The following TDRD5 variants were observed in gnomAD, a reference collection of about 807,000 sequenced individuals.
The protein encoded by TDRD5 is tudor domain containing 5.
In TDRD5, 41 loss-of-function variants were observed where a neutral mutation model predicts 120.6. The observed-to-expected ratio is 0.34, with a 90% confidence interval of 0.26 to 0.44. The LOEUF (loss-of-function observed/expected upper bound fraction) is 0.44, where lower values mean the gene tolerates loss of function less well. Ranked by LOEUF, TDRD5 falls within the 20% of genes least tolerant of loss-of-function variation. The pLI is 1.00. For missense variants in TDRD5, 1,006 were observed against 1,221.2 expected (o/e 0.82, Z 2.63); for synonymous variants, 430 against 433.7 (o/e 0.99, Z 0.11).
chr1:179,688,223 G>C (rs1166147906), intron 17 of TDRD5, among the ~76,000 whole-genome samples: 2 of 152,038 alleles, frequency 1.3e-5, no homozygotes, highest in African/African-American at 2.4e-5. Context: ...TTCAGGAGCT[G>C]TTGTAAAGCA....
intron 4 of TDRD5, among the ~76,000 whole-genome samples, chr1:179,611,715 T>C (rs1676284596): frequency 6.6e-6 from 1 of 152,162 alleles, no homozygotes; most frequent in Admixed American, 6.5e-5. Flanking sequence ...GTTGAGGACA[T>C]TTGCTCATGG....
intron 9 of TDRD5, among the ~76,000 whole-genome samples, chr1:179,639,630 G>A (rs1049643747): frequency 1.3e-5 from 2 of 152,204 alleles, no homozygotes; most frequent in African/African-American, 4.8e-5. Flanking sequence ...AAATGAGTGT[G>A]TGTTTCTCTT....
At chr1:179,623,894 C>T (rs1676978816) in intron 6 of TDRD5, among the ~76,000 whole-genome samples, 1 of 152,032 alleles carries the variant, frequency 6.6e-6, no homozygotes, top group Non-Finnish European at 1.5e-5. Flanking sequence ...CTATCTCAGC[C>T]TCCCAAAGTG....
At chr1:179,671,451 T>G (rs1483918764) in intron 17 of TDRD5, among the ~76,000 whole-genome samples, 1 of 152,224 alleles carries the variant, frequency 6.6e-6, no homozygotes, top group Non-Finnish European at 1.5e-5. Context: ...CAATATTAAG[T>G]CTATCCACAT....
At chr1:179,605,631 G>A (rs1021636045) in intron 4 of TDRD5, among the ~76,000 whole-genome samples, 7 of 152,160 alleles carry the variant, frequency 4.6e-5, no homozygotes, top group South Asian at 2.1e-4. Context: ...CATCTGTCTC[G>A]TCTCTTAATC....
chr1:179,592,740 A>G lies in TDRD5; in HGVS notation c.125A>G (p.His42Arg), dbSNP rs1336600468. Reference protein sequence around the residue: ...EKEYLLMVGNHLPLRILGYRS... With the variant: ...EKEYLLMVGNRLPLRILGYRS... Reference sequence around the variant, plus strand: ...GAGTACCTTTTGATGGTTGGCAACCATCTACCACTCCGAATCCTTGGGTAT... The same window carrying G: ...GAGTACCTTTTGATGGTTGGCAACCGTCTACCACTCCGAATCCTTGGGTAT... Residue 42 changes from histidine (H) to arginine (R), a missense_variant, in exon 2 of 18, where the codon CAT becomes CGT. By Grantham distance (29) the His-to-Arg change is conservative (BLOSUM62 0). Transcript: ENST00000444136. 7 of 1,614,144 alleles carry G rather than the reference A, an allele frequency of 4.3e-6. No individual in the cohort carries two copies. Among genetic ancestry groups the G allele is most frequent in the Middle Eastern group, 3.3e-4 (2 of 6,062 alleles).
chr1:179,612,780 C>A (rs1011063510), intron 4 of TDRD5, among the ~76,000 whole-genome samples: 1 of 151,746 alleles, frequency 6.6e-6, no homozygotes, highest in Non-Finnish European at 1.5e-5. Flanking sequence ...ACTAAAAATA[C>A]AAGAATTAGC....
At chr1:179,599,389 A>G (rs923728372) in intron 4 of TDRD5, among the ~76,000 whole-genome samples, 2 of 152,070 alleles carry the variant, frequency 1.3e-5, no homozygotes, top group African/African-American at 4.8e-5. Flanking sequence ...ATTCTGAAAG[A>G]GTTTGTGTAG....
intron 4 of TDRD5, among the ~76,000 whole-genome samples, chr1:179,598,506 ATATCTTCATTTATTTAGG>A (rs1283982950): frequency 6.6e-6 from 1 of 152,180 alleles, no homozygotes; most frequent in Non-Finnish European, 1.5e-5. Flanking sequence ...AAAGCATGGT[ATATCTTCATTTATTTAGG>A]TCTTTACATT....
chr1:179,651,850 T>C (rs773708340), intron 12 of TDRD5, among the ~76,000 whole-genome samples, 189 bp from the exon 13 acceptor site: 12 of 151,970 alleles, frequency 7.9e-5, no homozygotes, highest in Non-Finnish European at 1.6e-4. Context: ...GAGGCAGAGG[T>C]TGCAGTGAGC....
intron 17 of TDRD5, 120 bp downstream of exon 17, chr1:179,669,524 C>A: frequency 9.1e-7 from 1 of 1,098,296 alleles, no homozygotes; most frequent in Non-Finnish European, 1.3e-6. Context: ...CTGACGTTAG[C>A]ATTTGTGTTA....
At chr1:179,591,735 C>T (rs1358612854), upstream of TDRD5, 1 of 152,320 alleles carries the variant, frequency 6.6e-6, no homozygotes, top group Non-Finnish European at 1.5e-5. Flanking sequence ...GACCCCGGAG[C>T]GGCTAATCCT....
At chr1:179,610,877 G>A (rs79576420) in intron 4 of TDRD5, among the ~76,000 whole-genome samples, 9 of 151,922 alleles carry the variant, frequency 5.9e-5, no homozygotes, top group Non-Finnish European at 1.3e-4. Flanking sequence ...AGATTTCTTA[G>A]AATTAAGTTT....
chr1:179,633,229 C>T (rs1677559316), intron 7 of TDRD5, among the ~76,000 whole-genome samples: 1 of 152,120 alleles, frequency 6.6e-6, no homozygotes, highest in Non-Finnish European at 1.5e-5. Context: ...TACTGATGGA[C>T]ATTAGGATTG....
intron 7 of TDRD5, 133 bp downstream of exon 7, chr1:179,631,053 A>G (rs1677415080): frequency 2.1e-6 from 2 of 966,600 alleles, no homozygotes; most frequent in Admixed American, 2.6e-5. Context: ...TTGTTGTAAT[A>G]AGGTTAATCT....
At chr1:179,591,817 G>A (rs1288807937), upstream of TDRD5, 1 of 152,500 alleles carries the variant, frequency 6.6e-6, no homozygotes, top group Non-Finnish European at 1.5e-5. Context: ...TGCTGGTCAG[G>A]GGGCGCTGGT....
intron 9 of TDRD5, among the ~76,000 whole-genome samples, chr1:179,637,952 A>G (rs934835706): frequency 2.0e-5 from 3 of 152,236 alleles, no homozygotes; most frequent in Admixed American, 6.5e-5. Flanking sequence ...TTTGCGAGTC[A>G]AGGAGGTTAT....
chr1:179,645,886 ACTAT>A (rs1335463107), intron 11 of TDRD5, among the ~76,000 whole-genome samples: 1 of 152,134 alleles, frequency 6.6e-6, no homozygotes, highest in Non-Finnish European at 1.5e-5. Context: ...TGTTAATATA[ACTAT>A]CATTTTCTAT....
chr1:179,618,696 G>C lies in TDRD5; in HGVS notation c.915+14G>C, dbSNP rs752511391. On this transcript the variant is annotated intron_variant, in intron 5 of 17. Coordinates refer to ENST00000444136, the MANE Select transcript of TDRD5 (RefSeq NM_001199085.3). ...AAGATAAAATTTGTAAGTAATTTCTGTTTCTGGGAGACAATAATAATTGAT... is the reference window on the plus strand; with the variant it reads ...AAGATAAAATTTGTAAGTAATTTCTCTTTCTGGGAGACAATAATAATTGAT... 8.6e-6 allele frequency: 13 copies of C among 1,514,942 alleles called. No individual in the cohort carries two copies. The highest frequency in any genetic ancestry group is 1.1e-5 in the Non-Finnish European group (12 of 1,124,346). 93.8% of individuals were successfully genotyped at this position (1,514,942 alleles called of 1,614,324 possible).
Sources: allele counts gnomAD v4.1 joint callset (sites outside exome capture counted in the v4.1 genomes callset), GRCh38; gene constraint gnomAD v4.1.1; transcripts MANE v1.5; gene names NCBI Gene and HGNC (gene_info 2026-07-23, HGNC 2026-07-21).